COL5A2: variants seen among roughly 807,000 people sequenced by gnomAD.
COL5A2 encodes collagen alpha-2(V) chain.
Under a neutral mutation model 208.2 loss-of-function variants are expected in COL5A2, and 23 were observed. The ratio of observed to expected loss-of-function variants is 0.11; its 90% CI spans 0.08 to 0.16. The LOEUF is 0.16. COL5A2 is among the 10% of genes least tolerant of loss of function. The pLI is 1.00. For missense variants in COL5A2, 1,590 were observed against 1,956.4 expected (o/e 0.81, Z 3.53); for synonymous variants, 625 against 628.5 (o/e 0.99, Z 0.08).
chr2:189,119,620 C>T (rs1425157931), intron 1 of COL5A2, among the ~76,000 whole-genome samples: 1 of 151,912 alleles, frequency 6.6e-6, no homozygotes, highest in Non-Finnish European at 1.5e-5. Context: ...AACATGGTGA[C>T]TACGAATAAA....
At chr2:189,407,738 T>C in the COL5A2 span, among the ~76,000 whole-genome samples, 3 of 152,104 alleles carry the variant, frequency 2.0e-5, no homozygotes, top group Non-Finnish European at 2.9e-5. Context: ...ACAAATAAAT[T>C]AACTTGCAGG....
chr2:189,108,678 T>G (rs1687198696), intron 2 of COL5A2, among the ~76,000 whole-genome samples: 1 of 151,990 alleles, frequency 6.6e-6, no homozygotes, highest in African/African-American at 2.4e-5. Context: ...TGTATTATAT[T>G]GTTATTTGTT....
At chr2:189,392,811 C>A in the COL5A2 span, among the ~76,000 whole-genome samples, 2 of 152,094 alleles carry the variant, frequency 1.3e-5, no homozygotes, top group African/African-American at 2.4e-5. Flanking sequence ...TGCCTAGAAG[C>A]CTTGTTAAGG....
At chr2:189,194,082 T>C (rs1688964317) in intron 1 of COL5A2, among the ~76,000 whole-genome samples, 1 of 152,204 alleles carries the variant, frequency 6.6e-6, no homozygotes, top group Admixed American at 6.5e-5. Context: ...AAGTCTTTCA[T>C]CATTTTTAAT....
the COL5A2 span, among the ~76,000 whole-genome samples, chr2:189,387,754 G>A: frequency 6.6e-6 from 1 of 152,104 alleles, no homozygotes; most frequent in Non-Finnish European, 1.5e-5. Flanking sequence ...TTCTATAGAA[G>A]CCAATTTTTA....
At chr2:189,401,979 T>G in the COL5A2 span, among the ~76,000 whole-genome samples, 1 of 152,134 alleles carries the variant, frequency 6.6e-6, no homozygotes, top group Non-Finnish European at 1.5e-5. Flanking sequence ...TTTGTCAGAT[T>G]AATAGATTGC....
chr2:189,253,367 G>A, the COL5A2 span, among the ~76,000 whole-genome samples: 1 of 152,146 alleles, frequency 6.6e-6, no homozygotes, highest in African/African-American at 2.4e-5. Flanking sequence ...CATTTTTAAT[G>A]TAGAGATAAA....
chr2:189,430,943 G>A, the COL5A2 span, among the ~76,000 whole-genome samples: 1 of 152,194 alleles, frequency 6.6e-6, no homozygotes, highest in Non-Finnish European at 1.5e-5. Context: ...ACCTCATATA[G>A]GTGGGTGCCC....
intron 25 of COL5A2, 124 bp from the exon 26 acceptor site, chr2:189,064,157 A>C (rs1686094623): frequency 1.3e-6 from 1 of 784,196 alleles, no homozygotes; most frequent in Non-Finnish European, 2.1e-6. Context: ...AAATCAAATA[A>C]ATTTTTAAGT....
At chr2:189,078,407 A>T in intron 16 of COL5A2, 109 bp downstream of exon 16, 2 of 756,542 alleles carry the variant, frequency 2.6e-6, no homozygotes, top group Non-Finnish European at 4.5e-6. Flanking sequence ...AAAAAAAAAA[A>T]GGTGACCAGT....
At chr2:189,310,291 C>G in the COL5A2 span, among the ~76,000 whole-genome samples, 1 of 152,060 alleles carries the variant, frequency 6.6e-6, no homozygotes, top group Non-Finnish European at 1.5e-5. Flanking sequence ...ATAAGACATA[C>G]AAATGGCAAA....
chr2:189,079,144 C>A, intron 14 of COL5A2, 37 bp from the exon 15 acceptor site: 1 of 1,521,058 alleles, frequency 6.6e-7, no homozygotes, highest in Admixed American at 1.7e-5. Flanking sequence ...GTATGAGAAG[C>A]CTACAACCGA....
At chr2:189,333,368 A>G in the COL5A2 span, among the ~76,000 whole-genome samples, 874 of 152,292 alleles carry the variant, frequency 5.7e-3, 7 homozygotes, top group Non-Finnish European at 9.5e-3. Context: ...TAACAGATGA[A>G]AGAGGGACAT....
chr2:189,047,090 C>G (rs1685685667), intron 45 of COL5A2, among the ~76,000 whole-genome samples: 1 of 150,974 alleles, frequency 6.6e-6, no homozygotes, highest in African/African-American at 2.4e-5. Context: ...TCACTGCACT[C>G]CAGCCTGGCA....
chr2:189,054,953 G>C (rs994554156), intron 35 of COL5A2, among the ~76,000 whole-genome samples: 2 of 151,134 alleles, frequency 1.3e-5, no homozygotes, highest in South Asian at 2.1e-4. Context: ...GCACCATCTC[G>C]GCTCACTGCA....
chr2:189,429,126 A>C, the COL5A2 span, among the ~76,000 whole-genome samples: 1 of 152,242 alleles, frequency 6.6e-6, no homozygotes, highest in Non-Finnish European at 1.5e-5. Flanking sequence ...TCAACACAAA[A>C]ATGATAACCA....
chr2:189,171,557 ATGAC>A (rs1311526582), intron 1 of COL5A2, among the ~76,000 whole-genome samples: 3 of 152,196 alleles, frequency 2.0e-5, no homozygotes, highest in Non-Finnish European at 4.4e-5. Context: ...TGCTGATTGA[ATGAC>A]TGACTGAATG....
intron 1 of COL5A2, among the ~76,000 whole-genome samples, chr2:189,156,023 C>T (rs1390779989): frequency 2.0e-5 from 3 of 152,106 alleles, no homozygotes; most frequent in Non-Finnish European, 2.9e-5. Flanking sequence ...TCACATCTTC[C>T]GCCTCTTTCT....
the COL5A2 span, among the ~76,000 whole-genome samples, chr2:189,304,038 A>G: frequency 1.3e-5 from 2 of 152,126 alleles, no homozygotes; most frequent in African/African-American, 4.8e-5. Flanking sequence ...TGTTCTGTGA[A>G]GGTCTTTTTC....
Sources: allele counts gnomAD v4.1 joint callset (sites outside exome capture counted in the v4.1 genomes callset), GRCh38; gene constraint gnomAD v4.1.1; transcripts MANE v1.5; gene names NCBI Gene and HGNC (gene_info 2026-07-23, HGNC 2026-07-21).